Variants in CDH13 observed in about 807,000 individuals in gnomAD.
CDH13 encodes the protein cadherin-13.
CDH13 carries 24 observed loss-of-function variants against 63.8 expected under a neutral mutation model. That is an observed-to-expected ratio of 0.38 (90% confidence interval 0.27 to 0.53). The LOEUF is 0.53. CDH13 is among the 20% of genes least tolerant of loss of function. The pLI, the probability that CDH13 is intolerant of heterozygous loss-of-function variation, is 0.85. For synonymous variants in CDH13, 503 were observed against 355.3 expected, an observed-to-expected ratio of 1.42 and a Z score of -4.67; for missense variants, 1,049 against 903.1, an observed-to-expected ratio of 1.16 and a Z score of -2.07.
intron 6 of CDH13, among the ~76,000 whole-genome samples, chr16:83,451,253 A>G (rs955475961): frequency 7.9e-5 from 12 of 152,206 alleles, no homozygotes; most frequent in Admixed American, 6.5e-4. Context: ...AGGCCTCACA[A>G]TCATGGCAGA....
At chr16:83,446,251 C>A (rs2072684490) in intron 6 of CDH13, among the ~76,000 whole-genome samples, 1 of 147,860 alleles carries the variant, frequency 6.8e-6, no homozygotes, top group Admixed American at 6.9e-5. Context: ...TGCGGTGAGC[C>A]GAGATCATGC....
chr16:82,842,108 A>ATATC (rs2039039580), intron 1 of CDH13, among the ~76,000 whole-genome samples: 2 of 40,196 alleles, frequency 5.0e-5, no homozygotes, highest in Admixed American at 2.6e-4. Context: ...ATATATATAT[A>ATATC]TATGTATATA....
intron 1 of CDH13, among the ~76,000 whole-genome samples, chr16:82,665,325 C>T (rs771872555): frequency 6.6e-6 from 1 of 152,138 alleles, no homozygotes; most frequent in Non-Finnish European, 1.5e-5. Context: ...TTTGTTCCAG[C>T]ATGAGTTACA....
chr16:83,082,213 G>C (rs1287842281), intron 3 of CDH13, among the ~76,000 whole-genome samples: 1 of 152,156 alleles, frequency 6.6e-6, no homozygotes, highest in African/African-American at 2.4e-5. Context: ...ATTCCACTCT[G>C]CCCTCTCCCC....
chr16:83,115,563 C>CTA (rs1412920183), intron 3 of CDH13, among the ~76,000 whole-genome samples: 2 of 152,214 alleles, frequency 1.3e-5, no homozygotes, highest in African/African-American at 4.8e-5. Context: ...CAAAGGCTCG[C>CTA]TATTGCCTTG....
intron 2 of CDH13, among the ~76,000 whole-genome samples, chr16:82,872,129 C>G (rs535457728): frequency 5.3e-4 from 80 of 152,302 alleles, no homozygotes; most frequent in African/African-American, 1.8e-3. Flanking sequence ...TTGCTAAGGT[C>G]CCATTAAGTA....
At chr16:83,484,182 G>T (rs1007235901) in intron 6 of CDH13, among the ~76,000 whole-genome samples, 4 of 152,100 alleles carry the variant, frequency 2.6e-5, no homozygotes, top group African/African-American at 7.2e-5. Context: ...TTCCAGTGGT[G>T]GGGGAAAAAA....
At chr16:83,010,662 A>G (rs961644769) in intron 2 of CDH13, among the ~76,000 whole-genome samples, 8 of 152,190 alleles carry the variant, frequency 5.3e-5, no homozygotes, top group African/African-American at 1.9e-4. Context: ...TGCTGCAAAC[A>G]GGGCTGATGA....
At chr16:83,748,065 C>G (rs781172798) in intron 10 of CDH13, 43 bp from the exon 11 acceptor site, 3 of 1,610,278 alleles carry the variant, frequency 1.9e-6, no homozygotes, top group Non-Finnish European at 2.5e-6. Flanking sequence ...TTTCTTGAAT[C>G]TACTTTGAAT....
intron 2 of CDH13, among the ~76,000 whole-genome samples, chr16:82,906,918 T>G (rs2041665506): frequency 6.6e-6 from 1 of 152,194 alleles, no homozygotes; most frequent in African/African-American, 2.4e-5. Context: ...TCTTTGAGTT[T>G]AGAGCCTACC....
In CDH13 at chr16:83,650,881, T is replaced by C. The variant is rs570459215; in HGVS notation, c.1102-19909T>C. Reference sequence around the variant, plus strand: ...TAAGGCCAGGAGTTCAAGACCAGCCTGGGCAACATAGTGAGACCCTGTCTC... The same window carrying C: ...TAAGGCCAGGAGTTCAAGACCAGCCCGGGCAACATAGTGAGACCCTGTCTC... On this transcript the variant is annotated intron_variant, in intron 8 of 13. Coordinates refer to ENST00000567109, the MANE Select transcript of CDH13 (RefSeq NM_001257.5). 9.7e-4 allele frequency among the ~76,000 whole-genome samples: 148 copies of C among 152,164 alleles called. No homozygotes were observed. The Middle Eastern group carries it at 0.014, about 14-fold the overall frequency.
At chr16:83,344,300 T>C (rs1292564103) in intron 5 of CDH13, among the ~76,000 whole-genome samples, 1 of 152,220 alleles carries the variant, frequency 6.6e-6, no homozygotes, top group Non-Finnish European at 1.5e-5. Context: ...TTCATGGTGT[T>C]GTGAAATCCT....
intron 1 of CDH13, among the ~76,000 whole-genome samples, chr16:82,789,949 C>T (rs2036212816): frequency 6.6e-6 from 1 of 152,150 alleles, no homozygotes; most frequent in Non-Finnish European, 1.5e-5. Flanking sequence ...ATCCTGACAT[C>T]TTTCTCAGAC....
intron 4 of CDH13, among the ~76,000 whole-genome samples, chr16:83,152,297 T>C (rs2151696610): frequency 6.6e-6 from 1 of 152,300 alleles, no homozygotes; most frequent in South Asian, 2.1e-4. Context: ...AATTAAATAA[T>C]AAGGTGGATG....
intron 3 of CDH13, among the ~76,000 whole-genome samples, chr16:83,096,118 A>T (rs891468305): frequency 2.0e-5 from 3 of 152,194 alleles, no homozygotes; most frequent in Non-Finnish European, 4.4e-5. Context: ...TGGTGGAAAT[A>T]TGTGGAGTTA....
chr16:82,719,398 C>G (rs532229019), intron 1 of CDH13: 1 of 456,012 alleles, frequency 2.2e-6, no homozygotes, highest in Non-Finnish European at 4.4e-6. Context: ...GTTCCAGGCC[C>G]TTCCACTGGC....
chr16:82,642,112 AGTG>A (rs963951892), intron 1 of CDH13, among the ~76,000 whole-genome samples: 1 of 146,368 alleles, frequency 6.8e-6, no homozygotes, highest in Non-Finnish European at 1.5e-5. Flanking sequence ...AAAAAAAAAA[AGTG>A]GTGCTTGGCA....
intron 6 of CDH13, among the ~76,000 whole-genome samples, chr16:83,441,070 G>C (rs894250267): frequency 1.3e-5 from 2 of 152,154 alleles, no homozygotes; most frequent in Non-Finnish European, 2.9e-5. Flanking sequence ...TTTCATCAGA[G>C]AGATGTTTAC....
At chr16:83,066,207 A>G (rs1034316461) in intron 3 of CDH13, among the ~76,000 whole-genome samples, 3 of 152,222 alleles carry the variant, frequency 2.0e-5, no homozygotes, top group African/African-American at 7.2e-5. Context: ...CTACATGGTG[A>G]TGATGAGTTC....
Sources: allele counts gnomAD v4.1 joint callset (sites outside exome capture counted in the v4.1 genomes callset), GRCh38; gene constraint gnomAD v4.1.1; transcripts MANE v1.5; gene names NCBI Gene and HGNC (gene_info 2026-07-23, HGNC 2026-07-21).